The following MBOAT2 variants were observed in gnomAD, a reference collection of about 807,000 sequenced individuals.
The protein encoded by MBOAT2 is membrane bound glycerophospholipid O-acyltransferase 2, also known as membrane-bound glycerophospholipid O-acyltransferase 2.
A neutral mutation model predicts 63.4 loss-of-function variants in MBOAT2; 28 were observed. That is an observed-to-expected ratio of 0.44 (90% CI 0.33 to 0.61). MBOAT2 has a LOEUF of 0.61. Among genes scored for constraint, MBOAT2 ranks in the 20% least tolerant of loss-of-function variants. The pLI, the probability that MBOAT2 is intolerant of heterozygous loss-of-function variation, is 0.03. For missense variants in MBOAT2, 470 were observed against 605.8 expected (o/e 0.78, Z 2.35); for synonymous variants, 211 against 215.6 (o/e 0.98, Z 0.19).
chr2:8,891,601 T>A (rs992155556), intron 4 of MBOAT2, among the ~76,000 whole-genome samples: 2 of 152,254 alleles, frequency 1.3e-5, no homozygotes, highest in African/African-American at 4.8e-5. Flanking sequence ...ACATCTTTAC[T>A]GACATTTTAA....
At position 9,003,078 on chromosome 2, in the gene MBOAT2, C is replaced by A. The variant is rs1672820898; in HGVS notation, c.75+462G>T. Among the ~76,000 whole-genome samples, 1 of 152,166 alleles carries A rather than the reference C, an allele frequency of 6.6e-6. No homozygotes were observed. Among genetic ancestry groups the A allele is most frequent in the African/African-American group, 2.4e-5 (1 of 41,454 alleles). On this transcript the variant is annotated intron_variant, in intron 1 of 12. Coordinates refer to ENST00000305997, the MANE Select transcript of MBOAT2 (RefSeq NM_138799.4). The surrounding 1 kb of genome is among the most constrained non-coding windows in gnomAD (Gnocchi z 5.4). Reference sequence around the variant, plus strand: ...AGCACACCCAGACCCATGCATCAGCCTCTCCGGGGGTCGCTCAGAGGCGCG... The same window carrying A: ...AGCACACCCAGACCCATGCATCAGCATCTCCGGGGGTCGCTCAGAGGCGCG...
At chr2:8,908,499 T>A in intron 4 of MBOAT2, 122 bp downstream of exon 4, 1 of 590,414 alleles carries the variant, frequency 1.7e-6, no homozygotes. Context: ...AGAAAGAAAT[T>A]TTCAACTAAA....
intron 6 of MBOAT2, among the ~76,000 whole-genome samples, chr2:8,881,494 C>T (rs918453708): frequency 2.0e-5 from 3 of 152,102 alleles, no homozygotes; most frequent in Admixed American, 2.0e-4. Context: ...TTCTACTCAG[C>T]ATTCTTCCCC....
At chr2:8,898,133 A>C (rs1158782454) in intron 4 of MBOAT2, among the ~76,000 whole-genome samples, 1 of 152,136 alleles carries the variant, frequency 6.6e-6, no homozygotes, top group Non-Finnish European at 1.5e-5. Flanking sequence ...GGACTCCAAG[A>C]GCTATCCTTG....
At chr2:8,970,802 C>A (rs1235074983) in intron 1 of MBOAT2, among the ~76,000 whole-genome samples, 1 of 152,206 alleles carries the variant, frequency 6.6e-6, no homozygotes, top group Non-Finnish European at 1.5e-5. Flanking sequence ...GACACATACA[C>A]CCTCCCAAGA....
rs552255944 is a variant in MBOAT2, at chr2:8,995,708, A to G, written c.75+7832T>C. ...CGGGTTCGCGCCATTCTCCTGCCTC[A>G]GCCTCCCAAGTAGCTGGGACCACGG... is the stretch of plus-strand genomic sequence containing the variant. On this transcript the variant is annotated intron_variant, in intron 1 of 12. Transcript: ENST00000305997. 1.9e-3 allele frequency among the ~76,000 whole-genome samples: 278 copies of G among 148,738 alleles called. 2 individuals are homozygous for G. Among genetic ancestry groups the G allele is most frequent in the Non-Finnish European group, 2.4e-4 (16 of 67,776 alleles).
Position 8,858,535 on chromosome 2 carries a change from T to C in MBOAT2, c.*144A>G. 1.6e-6 allele frequency: 1 copy of C among 606,290 alleles called. No individual in the cohort carries two copies. The highest frequency in any genetic ancestry group is 2.8e-6 in the Non-Finnish European group (1 of 351,450). The allele number at this position is 606,290 out of a possible 1,614,324, so 37.6% of individuals were successfully genotyped here. A position where few individuals can be genotyped will look rare whatever the true frequency, so the allele number is the denominator to read the frequency against. ...GGCTTGTTTCACTCCATTTCCAATC[T>C]GGTGTACAGGAAATTCCTTATCTAT... On this transcript the variant is annotated 3_prime_UTR_variant, in exon 13 of 13. Coordinates refer to ENST00000305997, the MANE Select transcript of MBOAT2 (RefSeq NM_138799.4).
chr2:8,927,463 T>G (rs941263705), intron 3 of MBOAT2, among the ~76,000 whole-genome samples: 2 of 152,150 alleles, frequency 1.3e-5, no homozygotes, highest in Non-Finnish European at 2.9e-5. Context: ...TTAAAACAAT[T>G]TTCAAGAAAA....
chr2:8,868,486 C>T lies in MBOAT2; in HGVS notation c.947G>A (p.Arg316His), dbSNP rs764306370. The change falls in exon 9 of 13, where the codon CGC (arginine) becomes CAC (histidine). Residue 316 changes from arginine to histidine, a missense_variant. This residue lies in a region of MBOAT2 where 376 missense variants were observed against 503.8 expected (regional missense o/e 0.75). Coordinates refer to ENST00000305997, the MANE Select transcript of MBOAT2 (RefSeq NM_138799.4). ...FRGYDENGAA[R>H]WDLISNLRIQ... ...TCTCAAATTGGAAATTAAGTCCCAG[C>T]GAGCTGCTCCATTTTCGTCATACCC... The T allele has an allele frequency of 1.5e-5, 25 of 1,613,852 alleles. No individual in the cohort carries two copies. Among genetic ancestry groups the T allele is most frequent in the South Asian group, 3.3e-5 (3 of 91,068 alleles).
intron 4 of MBOAT2, among the ~76,000 whole-genome samples, chr2:8,892,040 C>T (rs1001454665): frequency 6.6e-6 from 1 of 152,186 alleles, no homozygotes; most frequent in Non-Finnish European, 1.5e-5. Context: ...TATATTCACA[C>T]ACTTTTTTCT....
At chr2:8,869,257 AGGT>A (rs1662134908) in intron 8 of MBOAT2, among the ~76,000 whole-genome samples, 1 of 150,204 alleles carries the variant, frequency 6.7e-6, no homozygotes, top group Non-Finnish European at 1.5e-5. Flanking sequence ...TATGTTGCCA[AGGT>A]GGTCTCGAAC....
intron 3 of MBOAT2, among the ~76,000 whole-genome samples, chr2:8,933,524 T>C (rs955469130): frequency 6.6e-6 from 1 of 152,156 alleles, no homozygotes; most frequent in Non-Finnish European, 1.5e-5. Context: ...ACAATTTTTA[T>C]AGAGGCAGGG....
At chr2:8,970,927 T>C (rs1335779654) in intron 1 of MBOAT2, among the ~76,000 whole-genome samples, 2 of 152,186 alleles carry the variant, frequency 1.3e-5, no homozygotes, top group African/African-American at 2.4e-5. Context: ...AGCCAATTTC[T>C]ACCGGAGGTA....
chr2:8,976,223 ATT>A (rs936658243), intron 1 of MBOAT2, among the ~76,000 whole-genome samples: 1 of 152,130 alleles, frequency 6.6e-6, no homozygotes, highest in Non-Finnish European at 1.5e-5. Flanking sequence ...AAAGCGAGCG[ATT>A]TAATCAAGGC....
At chr2:8,978,510 T>C (rs985386681) in intron 1 of MBOAT2, among the ~76,000 whole-genome samples, 10 of 152,266 alleles carry the variant, frequency 6.6e-5, no homozygotes, top group African/African-American at 1.9e-4. Flanking sequence ...TCAGAAGCAT[T>C]AGCCCAAATA....
rs556340896 is a variant in MBOAT2, at chr2:8,942,877, T to C, written c.299+310A>G. On this transcript the variant is annotated intron_variant, in intron 3 of 12. Coordinates refer to ENST00000305997, the MANE Select transcript of MBOAT2 (RefSeq NM_138799.4). ...ACATGTGAAAATATCTGGAAACATT[T>C]ATGGTCGTCACAGCTCAAGGGGTGC... is the stretch of plus-strand genomic sequence containing the variant. 6.6e-5 allele frequency among the ~76,000 whole-genome samples: 10 copies of C among 152,270 alleles called. No individual in the cohort carries two copies. In the South Asian group the frequency reaches 2.1e-3, roughly 32 times the overall value.
intron 3 of MBOAT2, among the ~76,000 whole-genome samples, chr2:8,910,132 T>G (rs1161145001): frequency 6.6e-6 from 1 of 152,040 alleles, no homozygotes; most frequent in Non-Finnish European, 1.5e-5. Context: ...CCACTGCATG[T>G]AGAGATTCTG....
At chr2:8,970,553 A>C (rs1670373371) in intron 1 of MBOAT2, among the ~76,000 whole-genome samples, 2 of 152,196 alleles carry the variant, frequency 1.3e-5, no homozygotes, top group South Asian at 4.1e-4. Context: ...AGACACAAAC[A>C]ACCCTTCAAA....
intron 3 of MBOAT2, among the ~76,000 whole-genome samples, chr2:8,931,841 G>A (rs1367443514): frequency 2.0e-5 from 3 of 152,112 alleles, no homozygotes; most frequent in Admixed American, 1.3e-4. Flanking sequence ...ATTAAATAGG[G>A]AATCCTTTCC....
Sources: gnomAD v4.1 joint callset for allele counts (sites outside exome capture counted in the v4.1 genomes callset) on GRCh38, gnomAD v4.1.1 for gene constraint, gnomAD v4.1.1 regional missense constraint, Gnocchi (gnomAD v3.1) non-coding constraint, MANE v1.5 for transcripts, NCBI Gene and HGNC (gene_info 2026-07-23, HGNC 2026-07-21) for gene names.